CADM2: variants seen among roughly 807,000 people sequenced by gnomAD.
The protein encoded by CADM2 is immunoglobulin superfamily member 4D.
In CADM2, 12 loss-of-function variants were observed where a neutral mutation model predicts 49.8. The observed-to-expected ratio is 0.24, with a 90% CI of 0.15 to 0.39. The LOEUF is 0.39. Ranked by LOEUF, CADM2 falls within the 10% of genes least tolerant of loss-of-function variation. CADM2 has a pLI of 1.00. For synonymous variants in CADM2, 214 were observed against 175.4 expected, an observed-to-expected ratio of 1.22 and a Z score of -1.74; for missense variants, 378 against 492.3, an observed-to-expected ratio of 0.77 and a Z score of 2.20.
chr3:85,257,822 T>C (rs1478698714), intron 1 of CADM2, among the ~76,000 whole-genome samples: 2 of 152,108 alleles, frequency 1.3e-5, no homozygotes, highest in East Asian at 3.9e-4. Context: ...ATCTATTTAA[T>C]TTAAATATGT....
At chr3:85,372,213 TG>T (rs1182804182) in intron 1 of CADM2, among the ~76,000 whole-genome samples, 6 of 151,956 alleles carry the variant, frequency 3.9e-5, no homozygotes, top group Non-Finnish European at 8.8e-5. Context: ...AAATATATTT[TG>T]ACAATATACA....
chr3:85,885,029 G>A (rs1357527508), intron 4 of CADM2, among the ~76,000 whole-genome samples: 1 of 151,496 alleles, frequency 6.6e-6, no homozygotes, highest in Non-Finnish European at 1.5e-5. Context: ...ATAAAATACA[G>A]AGATGATAAT....
intron 1 of CADM2, among the ~76,000 whole-genome samples, chr3:85,435,186 T>C (rs774470904): frequency 2.0e-5 from 3 of 151,880 alleles, no homozygotes; most frequent in South Asian, 2.1e-4. Context: ...CAACCCCCAA[T>C]AGGCCCCAGT....
chr3:85,275,910 T>C (rs2043345947), intron 1 of CADM2, among the ~76,000 whole-genome samples: 1 of 151,252 alleles, frequency 6.6e-6, no homozygotes, highest in African/African-American at 2.4e-5. Flanking sequence ...TCATTATGTG[T>C]GAGCCACAGT....
intron 3 of CADM2, among the ~76,000 whole-genome samples, chr3:85,873,124 A>G (rs939252391): frequency 2.0e-5 from 3 of 152,190 alleles, no homozygotes; most frequent in Admixed American, 1.3e-4. Flanking sequence ...AAAATGCTCC[A>G]TAAGGAAGAG....
intron 8 of CADM2, among the ~76,000 whole-genome samples, chr3:86,049,808 A>G (rs539171015): frequency 4.6e-5 from 7 of 152,184 alleles, no homozygotes; most frequent in Admixed American, 4.6e-4. Flanking sequence ...GCGGTGCCAA[A>G]CCGTTCATGA....
At chr3:85,257,710 T>C (rs967435048) in intron 1 of CADM2, among the ~76,000 whole-genome samples, 2 of 152,158 alleles carry the variant, frequency 1.3e-5, no homozygotes, top group Admixed American at 6.6e-5. Context: ...TACCCGTGGC[T>C]GTCTCTTCTT....
At chr3:85,067,904 G>C (rs1313825102) in intron 1 of CADM2, among the ~76,000 whole-genome samples, 1 of 152,162 alleles carries the variant, frequency 6.6e-6, no homozygotes, top group African/African-American at 2.4e-5. Flanking sequence ...ATCTGACACA[G>C]TTGGGGACTA....
chr3:85,304,860 A>G (rs979246686), intron 1 of CADM2, among the ~76,000 whole-genome samples: 1 of 151,712 alleles, frequency 6.6e-6, no homozygotes, highest in African/African-American at 2.4e-5. Flanking sequence ...TCCTTCAAGG[A>G]CATAGTCTTT....
intron 2 of CADM2, among the ~76,000 whole-genome samples, chr3:85,781,946 G>A (rs963960603): frequency 6.6e-6 from 1 of 152,194 alleles, no homozygotes; most frequent in Non-Finnish European, 1.5e-5. Context: ...TGCACAGGAA[G>A]CATTTTGAAA....
At chr3:86,007,144 A>G (rs535633209) in intron 8 of CADM2, among the ~76,000 whole-genome samples, 21 of 123,432 alleles carry the variant, frequency 1.7e-4, no homozygotes, top group Non-Finnish European at 3.1e-4. Context: ...CACAATCTCC[A>G]TTCTCCCGAA....
chr3:86,072,047 G>A lies in CADM2; in HGVS notation c.*5264G>A, dbSNP rs1703312837. 6.6e-6 allele frequency: 1 copy of A among 151,658 alleles called. No homozygotes were observed. The highest frequency in any genetic ancestry group is 1.5e-5 in the Non-Finnish European group (1 of 67,828). The allele number at this position is 151,658 out of a possible 1,614,324, so 9.4% of individuals were successfully genotyped here. ...TATTAATAAATAATCCTCATATAAT[G>A]CACAGTATTGCCACAAATGCCCACT... On this transcript the variant is annotated 3_prime_UTR_variant, in exon 10 of 10. Coordinates refer to ENST00000383699, the MANE Select transcript of CADM2 (RefSeq NM_001167675.2).
At chr3:85,944,000 C>A (rs933455181) in intron 7 of CADM2, among the ~76,000 whole-genome samples, 14 of 151,938 alleles carry the variant, frequency 9.2e-5, no homozygotes, top group Admixed American at 3.9e-4. Flanking sequence ...CAGTCAAGAC[C>A]TATCAGTGTG....
intron 8 of CADM2, among the ~76,000 whole-genome samples, chr3:86,061,450 GGGACAGCT>G (rs1255680664): frequency 6.6e-6 from 1 of 151,956 alleles, no homozygotes; most frequent in Non-Finnish European, 1.5e-5. Flanking sequence ...AATTCTGTGG[GGGACAGCT>G]GGCTATAAAA....
intron 1 of CADM2, among the ~76,000 whole-genome samples, chr3:85,159,102 C>G (rs1041292122): frequency 2.0e-5 from 3 of 152,058 alleles, no homozygotes; most frequent in African/African-American, 7.2e-5. Flanking sequence ...TTTATACTTT[C>G]TTTACTTAAT....
chr3:86,017,951 T>A (rs1477068482), intron 8 of CADM2, among the ~76,000 whole-genome samples: 1 of 143,706 alleles, frequency 7.0e-6, no homozygotes, highest in African/African-American at 2.5e-5. Flanking sequence ...TATGTATACA[T>A]GTGCCATGCT....
chr3:86,019,584 G>C (rs1176307782), intron 8 of CADM2, among the ~76,000 whole-genome samples: 3 of 149,838 alleles, frequency 2.0e-5, no homozygotes, highest in Non-Finnish European at 4.5e-5. Flanking sequence ...TCCTTGAAGA[G>C]GTCCTTCACA....
rs1321244966 is a variant in CADM2, at chr3:85,816,777, A to G, written c.238+14581A>G. Among the ~76,000 whole-genome samples the G allele has an allele frequency of 2.0e-5, 3 of 152,184 alleles. No individual in the cohort carries two copies. The East Asian group carries it at 5.8e-4, about 29-fold the overall frequency. On this transcript the variant is annotated intron_variant, in intron 3 of 9. Transcript: ENST00000383699. ...ACACACAGCGACTCGCTAAGGCAAT[A>G]CTAATTACAAAATATTAAATTATGA...
intron 1 of CADM2, among the ~76,000 whole-genome samples, chr3:85,719,139 T>C (rs1054176451): frequency 6.6e-6 from 1 of 152,076 alleles, no homozygotes; most frequent in Non-Finnish European, 1.5e-5. Flanking sequence ...AAATATTCCA[T>C]GTTCTTAAGA....
Sources: allele counts gnomAD v4.1 joint callset (sites outside exome capture counted in the v4.1 genomes callset), GRCh38; gene constraint gnomAD v4.1.1; transcripts MANE v1.5; gene names NCBI Gene and HGNC (gene_info 2026-07-23, HGNC 2026-07-21).